Variants in ANKRD55 observed in about 807,000 individuals in gnomAD.
ANKRD55 encodes ankyrin repeat domain-containing protein 55.
A neutral mutation model predicts 60.6 loss-of-function variants in ANKRD55; 41 were observed. The observed-to-expected ratio is 0.68, with a 90% CI of 0.53 to 0.88. The LOEUF is 0.88. ANKRD55 is among the 40% of genes least tolerant of loss of function. The probability of loss-of-function intolerance (pLI) is 0.00; values close to 1 mark genes in which losing one functional copy is unlikely to be tolerated. For missense variants in ANKRD55, 732 were observed against 767.6 expected (o/e 0.95, Z 0.55); for synonymous variants, 264 against 290.3 (o/e 0.91, Z 0.92).
chr5:56,118,790 A>G (rs937071937), intron 8 of ANKRD55, among the ~76,000 whole-genome samples: 1 of 152,232 alleles, frequency 6.6e-6, no homozygotes, highest in African/African-American at 2.4e-5. Flanking sequence ...GAGGTACTCA[A>G]TAACATCTGT....
rs185496693 is a variant in ANKRD55 at position 56,140,893 on chromosome 5, T to C, written c.612+2908A>G. Among the ~76,000 whole-genome samples, 292 of 152,114 alleles carry C rather than the reference T, an allele frequency of 1.9e-3. 2 individuals carry two copies. The highest frequency in any genetic ancestry group is 6.2e-3 in the African/African-American group (256 of 41,476). On this transcript the variant is annotated intron_variant, in intron 7 of 11. Coordinates refer to ENST00000341048, the MANE Select transcript of ANKRD55 (RefSeq NM_024669.3). ...GTCTGACCCATGTGGTGAAACCCCATCTATACTAAAAATACAAAAATTAGG... is the reference window on the plus strand; with the variant it reads ...GTCTGACCCATGTGGTGAAACCCCACCTATACTAAAAATACAAAAATTAGG...
intron 10 of ANKRD55, among the ~76,000 whole-genome samples, chr5:56,106,029 C>G (rs1342860302): frequency 6.6e-6 from 1 of 152,166 alleles, no homozygotes; most frequent in Non-Finnish European, 1.5e-5. Context: ...TGCTTCATCC[C>G]CCATCTTGCT....
intron 5 of ANKRD55, among the ~76,000 whole-genome samples, chr5:56,165,173 G>A (rs1047840071): frequency 6.6e-5 from 10 of 152,160 alleles, no homozygotes; most frequent in Non-Finnish European, 1.0e-4. Context: ...GGCACTATGT[G>A]GCCTGTACAT....
rs774349606 is a variant in ANKRD55, at chr5:56,111,730, CCTT to C, written c.1015_1017del (p.Lys339del). The C allele has an allele frequency of 5.9e-6, 9 of 1,516,796 alleles. No homozygotes were observed. Among genetic ancestry groups the C allele is most frequent in the Non-Finnish European group, 7.9e-6 (9 of 1,137,152 alleles). 94.0% of individuals were successfully genotyped at this position (1,516,796 alleles called of 1,614,324 possible). ...TGGTTGAGCACGTTGAACCGTCTCT[CCTT>C]CTTCTGGGGCCGACTGCTCTGGGAG... On this transcript the variant is annotated inframe_deletion, in exon 10 of 12. Coordinates refer to ENST00000341048, the MANE Select transcript of ANKRD55 (RefSeq NM_024669.3).
chr5:56,127,868 T>A (rs1340205461), intron 7 of ANKRD55, among the ~76,000 whole-genome samples: 1 of 152,188 alleles, frequency 6.6e-6, no homozygotes, highest in Admixed American at 6.5e-5. Context: ...CCCTTTTGCG[T>A]CTTCTTCCTC....
At chr5:56,178,908 G>A (rs2111826250) in intron 3 of ANKRD55, among the ~76,000 whole-genome samples, 2 of 120,400 alleles carry the variant, frequency 1.7e-5, no homozygotes, top group Middle Eastern at 7.8e-3. Flanking sequence ...GCCAGGTGTT[G>A]TCAAGGATTT....
chr5:56,177,632 G>A (rs967209103), intron 3 of ANKRD55, among the ~76,000 whole-genome samples: 15 of 151,934 alleles, frequency 9.9e-5, no homozygotes, highest in Non-Finnish European at 2.1e-4. Flanking sequence ...AAAATTAGCC[G>A]GGCATGGTGG....
At chr5:56,211,852 T>C (rs1010153498) in intron 2 of ANKRD55, among the ~76,000 whole-genome samples, 3 of 152,086 alleles carry the variant, frequency 2.0e-5, no homozygotes, top group Admixed American at 6.6e-5. Context: ...CTGTGAACAA[T>C]TGGCTGGCTG....
intron 2 of ANKRD55, among the ~76,000 whole-genome samples, chr5:56,227,441 A>G (rs1760146496): frequency 6.6e-6 from 1 of 152,166 alleles, no homozygotes; most frequent in African/African-American, 2.4e-5. Flanking sequence ...TACATATGTA[A>G]CAAACCTACA....
chr5:56,218,925 G>A (rs1759891349), intron 2 of ANKRD55, among the ~76,000 whole-genome samples: 1 of 152,022 alleles, frequency 6.6e-6, no homozygotes, highest in Non-Finnish European at 1.5e-5. Context: ...GCATACAAGT[G>A]TTTTTTTATA....
At chr5:56,226,518 CA>C (rs36002081) in intron 2 of ANKRD55, among the ~76,000 whole-genome samples, 73,265 of 149,638 alleles carry the variant, frequency 0.49, 21,690 homozygotes, top group East Asian at 0.86. Flanking sequence ...TTCTGCACAG[CA>C]AAAAAAAAAC....
intron 2 of ANKRD55, among the ~76,000 whole-genome samples, chr5:56,204,002 G>T (rs1302300709): frequency 1.3e-5 from 2 of 151,560 alleles, no homozygotes; most frequent in African/African-American, 4.8e-5. Flanking sequence ...CACCTGTTGT[G>T]TTTTTTTAAT....
At chr5:56,175,911 C>T (rs1758726114) in intron 4 of ANKRD55, among the ~76,000 whole-genome samples, 1 of 152,146 alleles carries the variant, frequency 6.6e-6, no homozygotes, top group Non-Finnish European at 1.5e-5. Context: ...AAGAATGTTT[C>T]CCTAATGGCC....
intron 2 of ANKRD55, among the ~76,000 whole-genome samples, chr5:56,219,795 A>T (rs1409404754): frequency 6.6e-6 from 1 of 152,222 alleles, no homozygotes; most frequent in Non-Finnish European, 1.5e-5. Context: ...TTTGGTGATG[A>T]GTGAGATGTT....
At chr5:56,146,951 G>A (rs1221755669) in intron 6 of ANKRD55, 2 of 152,288 alleles carry the variant, frequency 1.3e-5, no homozygotes, top group Middle Eastern at 3.4e-3. Flanking sequence ...TTAAACAATG[G>A]TAATGCAGTG....
At chr5:56,109,432 A>G (rs1234036503) in intron 10 of ANKRD55, among the ~76,000 whole-genome samples, 1 of 152,162 alleles carries the variant, frequency 6.6e-6, no homozygotes, top group Non-Finnish European at 1.5e-5. Flanking sequence ...AAATATTGAC[A>G]ATTTACTTAA....
rs1561244643 is a variant in ANKRD55, at chr5:56,099,911, G to C, written c.*272C>G. ...CATGCCACAAAGCAAACCAAACATA[G>C]CTCAGTTTTCCTACTGATAACATAT... is the stretch of plus-strand genomic sequence containing the variant. On this transcript the variant is annotated 3_prime_UTR_variant, in exon 12 of 12. Coordinates refer to ENST00000341048, the MANE Select transcript of ANKRD55 (RefSeq NM_024669.3). 1 of 343,398 alleles carries C rather than the reference G, an allele frequency of 2.9e-6. No homozygotes were observed. The highest frequency in any genetic ancestry group is 2.1e-5 in the African/African-American group (1 of 47,652). The allele number at this position is 343,398 out of a possible 1,614,324, so 21.3% of individuals were successfully genotyped here. A position where few individuals can be genotyped will look rare whatever the true frequency, so the allele number is the denominator to read the frequency against.
intron 7 of ANKRD55, among the ~76,000 whole-genome samples, chr5:56,142,203 C>T (rs1757788940): frequency 6.6e-6 from 1 of 152,082 alleles, no homozygotes; most frequent in Non-Finnish European, 1.5e-5. Flanking sequence ...TGGTGTGTGC[C>T]TATAATCCCA....
intron 10 of ANKRD55, among the ~76,000 whole-genome samples, chr5:56,109,928 G>A (rs532838360): frequency 1.3e-5 from 2 of 152,196 alleles, no homozygotes; most frequent in South Asian, 4.2e-4. Context: ...TGAGGCAGGA[G>A]AATCGCTTGA....
Sources: allele counts gnomAD v4.1 joint callset (sites outside exome capture counted in the v4.1 genomes callset), GRCh38; gene constraint gnomAD v4.1.1; transcripts MANE v1.5; gene names NCBI Gene and HGNC (gene_info 2026-07-23, HGNC 2026-07-21).